The following LGSN variants were observed in gnomAD, a reference collection of about 807,000 sequenced individuals.
The protein encoded by LGSN is lengsin.
In LGSN, 21 loss-of-function variants were observed where a neutral mutation model predicts 19.5. The observed-to-expected ratio is 1.07, with a 90% CI of 0.76 to 1.55. The LOEUF (loss-of-function observed/expected upper bound fraction) is 1.55, where lower values mean the gene tolerates loss of function less well. Ranked by LOEUF, LGSN falls within the 40% of genes most tolerant of loss-of-function variation. The pLI is 0.00. For missense variants in LGSN, 673 were observed against 608.5 expected, an observed-to-expected ratio of 1.11 and a Z score of -1.12; for synonymous variants, 257 against 215.6, an observed-to-expected ratio of 1.19 and a Z score of -1.68.
the LGSN span, among the ~76,000 whole-genome samples, chr6:63,333,975 C>T: frequency 6.6e-6 from 1 of 152,118 alleles, no homozygotes; most frequent in African/African-American, 2.4e-5. Flanking sequence ...ATATACTTCA[C>T]AATCATAAAG....
the LGSN span, among the ~76,000 whole-genome samples, chr6:63,502,986 A>G: frequency 1.3e-5 from 2 of 152,230 alleles, no homozygotes; most frequent in South Asian, 2.1e-4. Flanking sequence ...TTTTTTAAAT[A>G]CCTATCACCT....
chr6:63,280,930 G>A lies in LGSN; in HGVS notation c.621C>T (p.Ile207=), dbSNP rs1008704530. 2 of 1,614,072 alleles carry A rather than the reference G, an allele frequency of 1.2e-6. No homozygotes were observed. The highest frequency in any genetic ancestry group is 1.7e-5 in the Admixed American group (1 of 60,006). ...ASGFSLLSAF[I]YDFCIFGVPE... ...GCACACCAAAAATGCAAAAATCATAGATGAAAGCAGAAAGCAGGGAAAAGC... is the reference window on the plus strand; with the variant it reads ...GCACACCAAAAATGCAAAAATCATAAATGAAAGCAGAAAGCAGGGAAAAGC... The change falls in exon 4 of 4, where the codon ATC becomes ATT. Residue 207 remains isoleucine, a synonymous_variant. Transcript: ENST00000370657.
At chr6:63,319,598 AT>A (rs1192685626) in intron 1 of LGSN, among the ~76,000 whole-genome samples, 1 of 151,788 alleles carries the variant, frequency 6.6e-6, no homozygotes, top group Non-Finnish European at 1.5e-5. Context: ...TATTCTCTCA[AT>A]AACAACCAAA....
At chr6:63,443,286 C>T in the LGSN span, among the ~76,000 whole-genome samples, 6 of 152,336 alleles carry the variant, frequency 3.9e-5, no homozygotes, top group South Asian at 8.3e-4. Context: ...TGCTGGCCCG[C>T]GAGCACGCAG....
the LGSN span, among the ~76,000 whole-genome samples, chr6:63,503,787 C>CT: frequency 2.0e-5 from 3 of 152,032 alleles, no homozygotes; most frequent in African/African-American, 7.2e-5. Flanking sequence ...ACAGTGGCAC[C>CT]TGCCTCTAGT....
chr6:63,363,868 C>T, the LGSN span, among the ~76,000 whole-genome samples: 19,825 of 151,970 alleles, frequency 0.13, 2,851 homozygotes, highest in African/African-American at 0.36. Context: ...GATACTCCTC[C>T]AGAAGAGCAA....
the LGSN span, among the ~76,000 whole-genome samples, chr6:63,503,766 A>C: frequency 6.6e-6 from 1 of 152,188 alleles, no homozygotes; most frequent in Non-Finnish European, 1.5e-5. Context: ...AATACAAAAA[A>C]TTAGCCGGGG....
chr6:63,293,500 C>T (rs1767852299), intron 2 of LGSN, among the ~76,000 whole-genome samples: 1 of 152,194 alleles, frequency 6.6e-6, no homozygotes, highest in Non-Finnish European at 1.5e-5. Context: ...AAGAAAACTA[C>T]AAAGTATTTT....
chr6:63,545,652 T>G, the LGSN span, among the ~76,000 whole-genome samples: 2 of 152,046 alleles, frequency 1.3e-5, no homozygotes, highest in Non-Finnish European at 2.9e-5. Context: ...CAATCTTACC[T>G]TGTACTTTTC....
the LGSN span, among the ~76,000 whole-genome samples, chr6:63,477,839 C>G: frequency 2.6e-5 from 4 of 151,372 alleles, no homozygotes; most frequent in African/African-American, 4.8e-5. Context: ...TCACACCCAG[C>G]CTTCATCCCT....
At chr6:63,415,907 T>A in the LGSN span, among the ~76,000 whole-genome samples, 1 of 152,182 alleles carries the variant, frequency 6.6e-6, no homozygotes, top group Non-Finnish European at 1.5e-5. Flanking sequence ...TTACATCTAA[T>A]ACCATCAAAT....
the LGSN span, among the ~76,000 whole-genome samples, chr6:63,367,285 T>A: frequency 2.0e-5 from 3 of 152,164 alleles, no homozygotes; most frequent in African/African-American, 4.8e-5. Context: ...GTGAAGGACA[T>A]GAACAGACAC....
At chr6:63,500,564 G>A in the LGSN span, among the ~76,000 whole-genome samples, 1 of 151,910 alleles carries the variant, frequency 6.6e-6, no homozygotes, top group African/African-American at 2.4e-5. Flanking sequence ...TGGGATTGCA[G>A]GCATGCACCA....
the LGSN span, among the ~76,000 whole-genome samples, chr6:63,508,178 G>T: frequency 1.3e-5 from 2 of 152,102 alleles, no homozygotes; most frequent in African/African-American, 2.4e-5. Context: ...GCTTTTCTAA[G>T]AATTATATTT....
At chr6:63,505,553 C>CAA in the LGSN span, among the ~76,000 whole-genome samples, 203 of 41,458 alleles carry the variant, frequency 4.9e-3, 10 homozygotes, top group South Asian at 0.03. Flanking sequence ...AAGAATCTGT[C>CAA]AAAAAAAAAA....
the LGSN span, among the ~76,000 whole-genome samples, chr6:63,500,062 T>C: frequency 5.9e-5 from 9 of 152,200 alleles, no homozygotes; most frequent in African/African-American, 1.9e-4. Context: ...CACACTGCTG[T>C]TATCATCCCC....
the LGSN span, among the ~76,000 whole-genome samples, chr6:63,478,215 C>T: frequency 6.6e-6 from 1 of 151,838 alleles, no homozygotes; most frequent in Non-Finnish European, 1.5e-5. Flanking sequence ...TAAGTTAAAC[C>T]AAAAAGGCTA....
the LGSN span, among the ~76,000 whole-genome samples, chr6:63,552,425 T>C: frequency 6.6e-6 from 1 of 152,260 alleles, no homozygotes; most frequent in African/African-American, 2.4e-5. Context: ...TTGTAGATTC[T>C]AGATATTAGC....
At chr6:63,439,164 T>C in the LGSN span, among the ~76,000 whole-genome samples, 2 of 150,522 alleles carry the variant, frequency 1.3e-5, no homozygotes, top group African/African-American at 4.9e-5. Context: ...TGAGAACACA[T>C]GGACACAGGA....
Sources: gnomAD v4.1 joint callset for allele counts (sites outside exome capture counted in the v4.1 genomes callset) on GRCh38, gnomAD v4.1.1 for gene constraint, MANE v1.5 for transcripts, NCBI Gene and HGNC (gene_info 2026-07-23, HGNC 2026-07-21) for gene names.